C9orf57: variants seen among roughly 807,000 people sequenced by gnomAD.
The protein encoded by C9orf57 is chromosome 9 open reading frame 57, also known as uncharacterized protein C9orf57.
In C9orf57, 12 loss-of-function variants were observed where a neutral mutation model predicts 12.9. That is an observed-to-expected ratio of 0.93 (90% CI 0.60 to 1.51). The LOEUF is 1.51. Ranked by LOEUF, C9orf57 falls within the 40% of genes most tolerant of loss-of-function variation. The probability of loss-of-function intolerance (pLI) is 0.00; values close to 1 mark genes in which losing one functional copy is unlikely to be tolerated. For synonymous variants in C9orf57, 49 were observed against 57.1 expected (o/e 0.86, Z 0.64); for missense variants, 141 against 162.8 (o/e 0.87, Z 0.73).
chr9:72,056,298 T>A, intron 3 of C9orf57, 102 bp from the exon 4 acceptor site: 1 of 584,504 alleles, frequency 1.7e-6, no homozygotes, highest in Non-Finnish European at 2.5e-6. Context: ...ATTTTTGACT[T>A]TATATATATA....
rs1277289554 is a variant in C9orf57, at chr9:72,056,106, C to G, written c.248G>C (p.Gly83Ala). ...LDLGTCQAEP[G>A]QYCKEEVHIQ... ...GTGGACCTCTTCTTTACAGTACTGA[C>G]CAGGTTCTGCCTGGCAGGTTCCCAG... Residue 83 changes from glycine to alanine, a missense_variant, in exon 4 of 5, where the codon GGT becomes GCT. Transcript: ENST00000651200. The G allele has an allele frequency of 3.2e-6, 5 of 1,550,966 alleles. No homozygotes were observed. The highest frequency in any genetic ancestry group is 1.4e-5 in the African/African-American group (1 of 73,086).
intron 4 of C9orf57, among the ~76,000 whole-genome samples, chr9:72,054,092 G>A (rs1268118344): frequency 6.6e-6 from 1 of 152,162 alleles, no homozygotes; most frequent in Non-Finnish European, 1.5e-5. Flanking sequence ...TCCACCTCCC[G>A]GGTTCAAGCG....
intron 2 of C9orf57, among the ~76,000 whole-genome samples, chr9:72,058,842 C>A (rs1414112625): frequency 1.3e-5 from 2 of 152,234 alleles, no homozygotes; most frequent in African/African-American, 4.8e-5. Context: ...TGCCACTAAG[C>A]GTGACAGACT....
At chr9:72,052,865 C>A (rs1041261940) in intron 4 of C9orf57, among the ~76,000 whole-genome samples, 9 of 152,170 alleles carry the variant, frequency 5.9e-5, no homozygotes, top group Admixed American at 6.6e-5. Flanking sequence ...GTATGTATGA[C>A]CTCACTTAAT....
chr9:72,055,613 A>G (rs1824182332), intron 4 of C9orf57, among the ~76,000 whole-genome samples: 1 of 151,972 alleles, frequency 6.6e-6, no homozygotes, highest in African/African-American at 2.4e-5. Flanking sequence ...TTTCAAACTT[A>G]AAATGTTTCC....
intron 1 of C9orf57, among the ~76,000 whole-genome samples, chr9:72,060,236 G>A (rs1435916988): frequency 2.0e-5 from 3 of 152,058 alleles, no homozygotes; most frequent in Admixed American, 6.6e-5. Flanking sequence ...TAGTAAAGAC[G>A]GGGTTTCACC....
Position 72,056,837 on chromosome 9 carries a change from C to T in C9orf57, c.104G>A (p.Gly35Glu). 6.4e-7 allele frequency: 1 copy of T among 1,550,858 alleles called. No individual in the cohort carries two copies. The highest frequency in any genetic ancestry group is 8.7e-7 in the Non-Finnish European group (1 of 1,146,244). ...CTGACCAGGTTTTGTCTGGCAGGTT[C>T]CCAGGTCTAAAAGACATCCATGGAA... is the stretch of plus-strand genomic sequence containing the variant. The part of the protein sequence containing the change: ...VILFGRLGDL[G>E]TCQTKPGQYW... The change falls in exon 3 of 5, where the codon GGA (glycine) becomes GAA (glutamate). Residue 35 changes from glycine to glutamate, a missense_variant. Coordinates refer to ENST00000651200, the MANE Select transcript of C9orf57 (RefSeq NM_001128618.2).
chr9:72,057,489 G>T (rs1221936694), intron 2 of C9orf57, among the ~76,000 whole-genome samples: 2 of 152,160 alleles, frequency 1.3e-5, no homozygotes, highest in African/African-American at 4.8e-5. Context: ...GCCTCCCAGA[G>T]TGCTGGGATT....
chr9:72,060,042 A>G (rs1259387262), intron 1 of C9orf57, among the ~76,000 whole-genome samples: 1 of 144,652 alleles, frequency 6.9e-6, no homozygotes, highest in African/African-American at 2.9e-5. Flanking sequence ...TCCTTTATGA[A>G]TTATTATTAT....
rs1824281275 is a variant in C9orf57 at position 72,059,390 on chromosome 9, G to A, written c.-53-6C>T. On this transcript the variant is annotated splice_region_variant and splice_polypyrimidine_tract_variant and intron_variant, in intron 1 of 4. Transcript: ENST00000651200. ...AAGACACGTCCCACTGATTTCTGGG[G>A]AAGCAATAAAGTTACACATTTATGT... The A allele has an allele frequency of 6.4e-7, 1 of 1,551,536 alleles. No homozygotes were observed. The highest frequency in any genetic ancestry group is 2.0e-5 in the Admixed American group (1 of 50,922).
chr9:72,052,307 A>C lies in C9orf57; in HGVS notation c.409T>G (p.Cys137Gly). ...VTTHCCNHSL[C>G]NF The stretch of plus-strand genomic sequence containing the variant: ...TATGGGCCACTGACTCAGAAATTGC[A>C]CAAAGAATGATTGCAGCAGTGAGTA... Residue 137 changes from cysteine to glycine, a missense_variant, in exon 5 of 5, where the codon TGC becomes GGC. Coordinates refer to ENST00000651200, the MANE Select transcript of C9orf57 (RefSeq NM_001128618.2). 1 of 1,551,690 alleles carries C rather than the reference A, an allele frequency of 6.4e-7. No homozygotes were observed. The highest frequency in any genetic ancestry group is 8.7e-7 in the Non-Finnish European group (1 of 1,146,962).
chr9:72,059,551 T>A (rs1824284432), intron 1 of C9orf57, among the ~76,000 whole-genome samples, 167 bp from the exon 2 acceptor site: 2 of 152,228 alleles, frequency 1.3e-5, no homozygotes, highest in African/African-American at 4.8e-5. Context: ...CTGGACGCAG[T>A]GGCTCACGCC....
rs115870107 is a variant in C9orf57, at chr9:72,052,121, G to C, written c.*175C>G. 1 of 610,404 alleles carries C rather than the reference G, an allele frequency of 1.6e-6. No individual in the cohort carries two copies. The highest frequency in any genetic ancestry group is 2.8e-6 in the Non-Finnish European group (1 of 359,882). 37.8% of individuals were successfully genotyped at this position (610,404 alleles called of 1,614,324 possible). A position where few individuals can be genotyped will look rare whatever the true frequency, so the allele number is the denominator to read the frequency against. On this transcript the variant is annotated 3_prime_UTR_variant, in exon 5 of 5. Coordinates refer to ENST00000651200, the MANE Select transcript of C9orf57 (RefSeq NM_001128618.2). ...TTCTCAGATGAGTTGGAGGTGGTGGGGGAGATATTGGGAATATTGAAAACC... is the reference window on the plus strand; with the variant it reads ...TTCTCAGATGAGTTGGAGGTGGTGGCGGAGATATTGGGAATATTGAAAACC...
chr9:72,052,580 A>G (rs950036893), intron 4 of C9orf57, 145 bp from the exon 5 acceptor site: 8 of 733,384 alleles, frequency 1.1e-5, no homozygotes, highest in Non-Finnish European at 6.4e-6. Flanking sequence ...AGAATGGTTC[A>G]TTTCATTATT....
rs1824316877 is a variant in C9orf57, at chr9:72,060,607, A to T, written c.-164T>A. ...ATGAAGTCCGTTACAACTGAAAGCG[A>T]CACTCTGATCCACTAGATTCCAAAC... is the stretch of plus-strand genomic sequence containing the variant. On this transcript the variant is annotated 5_prime_UTR_variant, in exon 1 of 5. Transcript: ENST00000651200. The T allele has an allele frequency of 6.7e-7, 1 of 1,500,564 alleles. No individual in the cohort carries two copies. The highest frequency in any genetic ancestry group is 9.0e-7 in the Non-Finnish European group (1 of 1,109,898). 93.0% of individuals were successfully genotyped at this position (1,500,564 alleles called of 1,614,324 possible). A position where few individuals can be genotyped will look rare whatever the true frequency, so the allele number is the denominator to read the frequency against.
At position 72,056,162 on chromosome 9, in the gene C9orf57, A is replaced by C; in HGVS notation, c.192T>G (p.Leu64=). ...VGGLICRACN[L]SLPFHGCLLD... ...AAAGACATCCATGGAAGGGCAGTGA[A>C]AGATTGCATGCTCTGCAAATCAAAC... Residue 64 remains leucine, a synonymous_variant, in exon 4 of 5, where the codon CTT becomes CTG. Coordinates refer to ENST00000651200, the MANE Select transcript of C9orf57 (RefSeq NM_001128618.2). The C allele has an allele frequency of 6.4e-7, 1 of 1,551,012 alleles. No homozygotes were observed. The highest frequency in any genetic ancestry group is 8.7e-7 in the Non-Finnish European group (1 of 1,146,552).
intron 2 of C9orf57, among the ~76,000 whole-genome samples, chr9:72,058,779 T>C (rs565658661): frequency 3.3e-5 from 5 of 152,326 alleles, no homozygotes; most frequent in African/African-American, 1.2e-4. Context: ...TGTTGATGAT[T>C]TTCCCCAGGC....
At chr9:72,055,339 T>C (rs1404814260) in intron 4 of C9orf57, among the ~76,000 whole-genome samples, 4 of 148,262 alleles carry the variant, frequency 2.7e-5, no homozygotes, top group African/African-American at 7.5e-5. Flanking sequence ...TTTCCTTCCT[T>C]CCTTCCTTCA....
intron 1 of C9orf57, among the ~76,000 whole-genome samples, chr9:72,059,897 C>T (rs1347071471): frequency 6.6e-6 from 1 of 152,118 alleles, no homozygotes; most frequent in African/African-American, 2.4e-5. Flanking sequence ...CACCTTCTCT[C>T]TTCAGTTTTT....
Sources: gnomAD v4.1 joint callset for allele counts (sites outside exome capture counted in the v4.1 genomes callset) on GRCh38, gnomAD v4.1.1 for gene constraint, MANE v1.5 for transcripts, NCBI Gene and HGNC (gene_info 2026-07-23, HGNC 2026-07-21) for gene names.